Variants in TECR observed in about 807,000 individuals in gnomAD.
The protein encoded by TECR is very-long-chain enoyl-CoA reductase.
Under a neutral mutation model 50.6 loss-of-function variants are expected in TECR, and 19 were observed. That is an observed-to-expected ratio of 0.38 (90% CI 0.26 to 0.55). TECR has a LOEUF of 0.55. Ranked by LOEUF, TECR falls within the 20% of genes least tolerant of loss-of-function variation. The probability of loss-of-function intolerance (pLI) is 0.79; values close to 1 mark genes in which losing one functional copy is unlikely to be tolerated. For missense variants in TECR, 313 were observed against 408.3 expected, an observed-to-expected ratio of 0.77 and a Z score of 2.01; for synonymous variants, 168 against 163.5, an observed-to-expected ratio of 1.03 and a Z score of -0.21.
Position 14,562,519 on chromosome 19 carries a change from T to C in TECR, c.16-6T>C. The stretch of plus-strand genomic sequence containing the variant: ...GAAACCTAAAAAGGCTGTTCTCTTC[T>C]TCGAGGTGGAGATTCTGGACGCAAA... On this transcript the variant is annotated splice_region_variant and splice_polypyrimidine_tract_variant and intron_variant, in intron 1 of 12. Transcript: ENST00000215567. The C allele has an allele frequency of 6.2e-7, 1 of 1,614,208 alleles. No individual in the cohort carries two copies. Among genetic ancestry groups the C allele is most frequent in the Non-Finnish European group, 8.5e-7 (1 of 1,180,024 alleles).
intron 1 of TECR, among the ~76,000 whole-genome samples, chr19:14,554,261 G>A (rs1383768997): frequency 6.6e-6 from 1 of 152,200 alleles, no homozygotes; most frequent in Non-Finnish European, 1.5e-5. Context: ...CCCGGGCAGG[G>A]AACGTGAAAT....
intron 1 of TECR, chr19:14,562,144 G>A (rs903633008): frequency 5.3e-6 from 3 of 567,288 alleles, no homozygotes; most frequent in Admixed American, 6.1e-5. Flanking sequence ...GCTCCTGGGG[G>A]GCGCAGTCTG....
chr19:14,564,071 T>C lies in TECR; in HGVS notation c.357T>C (p.Phe119=). The change falls in exon 6 of 13, where the codon TTT becomes TTC. Residue 119 remains phenylalanine, a synonymous_variant. Transcript: ENST00000215567. The part of the protein sequence containing the change: ...VPFIYGHKYD[F]TSSRHTVVHL... ...TCATCTATGGCCACAAATATGACTTTACGTCCAGTCGGCATACAGTGGTGC... is the reference window on the plus strand; with the variant it reads ...TCATCTATGGCCACAAATATGACTTCACGTCCAGTCGGCATACAGTGGTGC... 6.2e-7 allele frequency: 1 copy of C among 1,613,374 alleles called. No homozygotes were observed. Among genetic ancestry groups the C allele is most frequent in the Non-Finnish European group, 8.5e-7 (1 of 1,179,894 alleles).
At chr19:14,562,346 C>T in intron 1 of TECR, 179 bp from the exon 2 acceptor site, 2 of 697,522 alleles carry the variant, frequency 2.9e-6, no homozygotes, top group Admixed American at 2.2e-5. Flanking sequence ...GCAGCTGGGG[C>T]TGCTGGCCAC....
At chr19:14,530,855 G>T (rs145365728) in intron 1 of TECR, 2 of 152,236 alleles carry the variant, frequency 1.3e-5, no homozygotes, top group East Asian at 1.9e-4. Flanking sequence ...TCACATTGTT[G>T]TGCAACCATC....
chr19:14,560,701 G>C (rs1474839094), intron 1 of TECR, among the ~76,000 whole-genome samples: 1 of 152,242 alleles, frequency 6.6e-6, no homozygotes, highest in African/African-American at 2.4e-5. Flanking sequence ...AGGAGGCCCC[G>C]TGGGCCAGGA....
intron 2 of TECR, among the ~76,000 whole-genome samples, chr19:14,562,799 A>T (rs980527812): frequency 1.3e-5 from 2 of 151,924 alleles, no homozygotes; most frequent in Non-Finnish European, 2.9e-5. Flanking sequence ...TGGTCCTGGG[A>T]GGGCGGTGGA....
At chr19:14,562,840 C>A (rs940261900) in intron 2 of TECR, among the ~76,000 whole-genome samples, 2 of 152,056 alleles carry the variant, frequency 1.3e-5, no homozygotes, top group Non-Finnish European at 2.9e-5. Flanking sequence ...TGAGGCCGGG[C>A]CTGGGGGAAG....
At chr19:14,542,670 T>G (rs2073144709) in intron 1 of TECR, among the ~76,000 whole-genome samples, 1 of 152,034 alleles carries the variant, frequency 6.6e-6, no homozygotes, top group Non-Finnish European at 1.5e-5. Context: ...CCCACCATGG[T>G]GTTTGTAATA....
chr19:14,558,439 CG>C (rs1352754760), intron 1 of TECR, among the ~76,000 whole-genome samples: 1 of 152,178 alleles, frequency 6.6e-6, no homozygotes, highest in African/African-American at 2.4e-5. Flanking sequence ...CACGCCGCAC[CG>C]TGTGTCCTGG....
intron 1 of TECR, among the ~76,000 whole-genome samples, chr19:14,553,002 G>A (rs1487535818): frequency 6.6e-6 from 1 of 152,094 alleles, no homozygotes; most frequent in Non-Finnish European, 1.5e-5. Context: ...ACAACCGCAG[G>A]GATGGGTGTA....
At chr19:14,562,315 G>A (rs1027754930) in intron 1 of TECR, 7 of 648,576 alleles carry the variant, frequency 1.1e-5, no homozygotes, top group East Asian at 2.7e-5. Context: ...TGGGGAGGTC[G>A]GTGGTGGGGG....
At chr19:14,530,395 C>A (rs1422974383) in intron 1 of TECR, 3 of 152,662 alleles carry the variant, frequency 2.0e-5, no homozygotes, top group Admixed American at 6.5e-5. Flanking sequence ...ATGTGCTTAT[C>A]GCCCTAGGTG....
intron 1 of TECR, among the ~76,000 whole-genome samples, chr19:14,549,652 A>G (rs2073425790): frequency 6.6e-6 from 1 of 151,824 alleles, no homozygotes. Context: ...GCCTCTTTAT[A>G]AAATACTGTA....
intron 1 of TECR, chr19:14,532,180 A>G (rs929131772): frequency 2.0e-5 from 3 of 152,186 alleles, no homozygotes; most frequent in African/African-American, 7.2e-5. Flanking sequence ...GAAGCTGGGC[A>G]CAGCCTGAGG....
chr19:14,542,350 T>TTTTTTTTTTG (rs2073128107), intron 1 of TECR, among the ~76,000 whole-genome samples: 1 of 65,684 alleles, frequency 1.5e-5, no homozygotes, highest in Non-Finnish European at 3.2e-5. Context: ...CCATAGTGTT[T>TTTTTTTTTTG]TTTTTTTTTT....
chr19:14,554,983 T>A (rs1310263352), intron 1 of TECR, among the ~76,000 whole-genome samples: 1 of 151,860 alleles, frequency 6.6e-6, no homozygotes, highest in Non-Finnish European at 1.5e-5. Flanking sequence ...TTCACCATGT[T>A]AGCCTGGCTG....
chr19:14,564,916 C>T (rs1462175040), intron 8 of TECR, 33 bp from the exon 9 acceptor site: 39 of 1,614,086 alleles, frequency 2.4e-5, no homozygotes, highest in Non-Finnish European at 3.2e-5. Flanking sequence ...CGGGTCCTCC[C>T]CTCATGGGCT....
chr19:14,548,865 G>A (rs549788111), intron 1 of TECR, among the ~76,000 whole-genome samples: 1 of 152,016 alleles, frequency 6.6e-6, no homozygotes, highest in African/African-American at 2.4e-5. Context: ...GGGAGCCACC[G>A]CATCCAACCA....
Sources: allele counts gnomAD v4.1 joint callset (sites outside exome capture counted in the v4.1 genomes callset), GRCh38; gene constraint gnomAD v4.1.1; transcripts MANE v1.5; gene names NCBI Gene and HGNC (gene_info 2026-07-23, HGNC 2026-07-21).